CCDC158: variants seen among roughly 807,000 people sequenced by gnomAD.
CCDC158 encodes coiled-coil domain-containing protein 158.
In CCDC158, 116 loss-of-function variants were observed where a neutral mutation model predicts 138.6. The ratio of observed to expected loss-of-function variants is 0.84; its 90% CI spans 0.72 to 0.98. CCDC158 has a LOEUF of 0.98. Ranked by LOEUF, CCDC158 falls within the 50% of genes least tolerant of loss-of-function variation. CCDC158 has a pLI of 0.00. For synonymous variants in CCDC158, 436 were observed against 442.4 expected (o/e 0.99, Z 0.18); for missense variants, 1,265 against 1,306.1 (o/e 0.97, Z 0.48).
At position 76,325,916 on chromosome 4, in the gene CCDC158, AT is replaced by A. The variant is rs2110086526; in HGVS notation, c.3109del (p.Ile1037Ter). 1 of 1,613,802 alleles carries A rather than the reference AT, an allele frequency of 6.2e-7. No homozygotes were observed. The highest frequency in any genetic ancestry group is 1.1e-5 in the South Asian group (1 of 91,064). ...SLLTSSVEGS[I>X]GSTSQYRSAK... ...AGATCTATACTGTGATGTGGAACCT[AT>A]TGAACCTTCAACTGAACTAGTTAGG... On this transcript the variant is annotated frameshift_variant, in exon 23 of 25. Transcript: ENST00000682701. LOFTEE classifies it high-confidence loss of function.
chr4:76,393,523 G>T (rs898453788), intron 4 of CCDC158, among the ~76,000 whole-genome samples: 1 of 152,166 alleles, frequency 6.6e-6, no homozygotes, highest in South Asian at 2.1e-4. Flanking sequence ...CTCAAACTAT[G>T]AAACTCTATG....
intron 24 of CCDC158, among the ~76,000 whole-genome samples, chr4:76,313,828 T>C (rs1719114838): frequency 6.6e-6 from 1 of 152,232 alleles, no homozygotes; most frequent in Non-Finnish European, 1.5e-5. Flanking sequence ...TGCTATAGAC[T>C]GTTCTGTAGC....
At chr4:76,402,542 G>A (rs530243711) in intron 3 of CCDC158, among the ~76,000 whole-genome samples, 10 of 152,300 alleles carry the variant, frequency 6.6e-5, no homozygotes, top group African/African-American at 2.2e-4. Context: ...TAATTTCTGT[G>A]TTGTTTCATC....
At position 76,353,294 on chromosome 4, in the gene CCDC158, G is replaced by A; in HGVS notation, c.2287-13C>T. 6.3e-7 allele frequency: 1 copy of A among 1,584,604 alleles called. No homozygotes were observed. The highest frequency in any genetic ancestry group is 8.6e-7 in the Non-Finnish European group (1 of 1,163,260). The stretch of plus-strand genomic sequence containing the variant: ...GAAAATGTTTCTCCTACAATTATAT[G>A]AGAGAAAAACATCAGAAATAACCTG... On this transcript the variant is annotated splice_polypyrimidine_tract_variant and intron_variant, in intron 15 of 24. Transcript: ENST00000682701.
At chr4:76,345,589 G>T (rs1462687051) in intron 18 of CCDC158, 2 of 1,060,768 alleles carry the variant, frequency 1.9e-6, no homozygotes, top group Non-Finnish European at 3.0e-6. Flanking sequence ...AAGAATAACT[G>T]ATATGCCTTC....
chr4:76,321,815 A>G (rs910118627), intron 24 of CCDC158, among the ~76,000 whole-genome samples: 1 of 148,382 alleles, frequency 6.7e-6, no homozygotes, highest in African/African-American at 2.5e-5. Context: ...ACCATGTAAT[A>G]CTACTCAGCC....
At chr4:76,398,500 C>G (rs1250545710) in intron 3 of CCDC158, among the ~76,000 whole-genome samples, 1 of 151,882 alleles carries the variant, frequency 6.6e-6, no homozygotes. Context: ...AATCCCATCT[C>G]TACTGAAAAT....
chr4:76,314,483 C>A (rs759823939), intron 24 of CCDC158, among the ~76,000 whole-genome samples: 31 of 152,264 alleles, frequency 2.0e-4, no homozygotes, highest in Non-Finnish European at 4.4e-4. Context: ...CTGGGAAAAC[C>A]AAAAGAATTT....
In CCDC158 at chr4:76,315,144, C is replaced by T. The variant is rs143665476; in HGVS notation, c.3278-1898G>A. ...CAACTGTGTGGGAGCTAGGTAAGGC[C>T]TATCACACAGGCTTTCCCCAACTTC... On this transcript the variant is annotated intron_variant, in intron 24 of 24. Coordinates refer to ENST00000682701, the MANE Select transcript of CCDC158 (RefSeq NM_001394954.1). Among the ~76,000 whole-genome samples the T allele has an allele frequency of 1.1e-3, 172 of 152,262 alleles. 2 individuals carry two copies. The East Asian group carries it at 0.031, about 28-fold the overall frequency.
At chr4:76,405,179 A>G (rs918972138) in intron 2 of CCDC158, among the ~76,000 whole-genome samples, 5 of 152,218 alleles carry the variant, frequency 3.3e-5, no homozygotes, top group Non-Finnish European at 7.3e-5. Flanking sequence ...AAAGGCAAGA[A>G]GATTAGACTG....
At chr4:76,371,270 C>T (rs1725210278) in intron 10 of CCDC158, 147 bp downstream of exon 10, 3 of 788,230 alleles carry the variant, frequency 3.8e-6, no homozygotes, top group African/African-American at 3.5e-5. Context: ...ATATGCAAAA[C>T]TTGAATTGTG....
chr4:76,372,998 G>A (rs1349406852), intron 9 of CCDC158, among the ~76,000 whole-genome samples: 11 of 152,080 alleles, frequency 7.2e-5, no homozygotes, highest in Non-Finnish European at 1.3e-4. Context: ...ATAGGTGCCC[G>A]CCACCATGGC....
At chr4:76,356,247 C>A (rs1723549963) in intron 14 of CCDC158, among the ~76,000 whole-genome samples, 1 of 152,116 alleles carries the variant, frequency 6.6e-6, no homozygotes. Context: ...CAGGGTTAAA[C>A]TGACACTGTA....
intron 9 of CCDC158, among the ~76,000 whole-genome samples, chr4:76,374,112 T>C (rs1318826282): frequency 6.6e-6 from 1 of 152,070 alleles, no homozygotes; most frequent in Non-Finnish European, 1.5e-5. Flanking sequence ...GTCATGTTCG[T>C]GCCACTGCAC....
At chr4:76,362,761 T>A (rs901832940) in intron 12 of CCDC158, among the ~76,000 whole-genome samples, 5 of 152,220 alleles carry the variant, frequency 3.3e-5, no homozygotes, top group African/African-American at 7.2e-5. Context: ...CTCAGTTACC[T>A]CACCCTAGTC....
At position 76,322,158 on chromosome 4, in the gene CCDC158, TA is replaced by T. The variant is rs1202246944; in HGVS notation, c.3277+1143del. On this transcript the variant is annotated intron_variant, in intron 24 of 24. Transcript: ENST00000682701. ...ACTATTGAAATTTAAAAAAAAATGC[TA>T]AAACCCCACAAATTCACAATAAACT... Among the ~76,000 whole-genome samples the T allele has an allele frequency of 3.3e-5, 5 of 152,110 alleles. No homozygotes were observed. The East Asian group carries it at 9.6e-4, about 29-fold the overall frequency.
intron 9 of CCDC158, among the ~76,000 whole-genome samples, chr4:76,376,477 G>T (rs989565079): frequency 2.0e-5 from 3 of 152,302 alleles, no homozygotes; most frequent in Non-Finnish European, 4.4e-5. Context: ...AGAAAAAATA[G>T]ATTTTAAGGT....
chr4:76,379,445 C>A, intron 8 of CCDC158, 41 bp from the exon 9 acceptor site: 1 of 1,263,420 alleles, frequency 7.9e-7, no homozygotes. Context: ...AAATAGCAAA[C>A]TAAGAATAAG....
At chr4:76,397,183 G>A (rs1002338608) in intron 3 of CCDC158, among the ~76,000 whole-genome samples, 1 of 151,904 alleles carries the variant, frequency 6.6e-6, no homozygotes, top group East Asian at 1.9e-4. Context: ...ATGTGTTTAT[G>A]TGTGTTTGTA....
Sources: gnomAD v4.1 joint callset for allele counts (sites outside exome capture counted in the v4.1 genomes callset) on GRCh38, gnomAD v4.1.1 for gene constraint, MANE v1.5 for transcripts, NCBI Gene and HGNC (gene_info 2026-07-23, HGNC 2026-07-21) for gene names.